KIR3DL1: variants seen among roughly 807,000 people sequenced by gnomAD.
The protein encoded by KIR3DL1 is killer cell immunoglobulin like receptor, three Ig domains and long cytoplasmic tail 1.
KIR3DL1 carries 50 observed loss-of-function variants against 40.3 expected under a neutral mutation model. That is an observed-to-expected ratio of 1.24 (90% CI 0.99 to 1.57). KIR3DL1 has a LOEUF of 1.57. KIR3DL1 is among the 40% of genes most tolerant of loss of function. The pLI is 0.00. For missense variants in KIR3DL1, 661 were observed against 559.9 expected, an observed-to-expected ratio of 1.18 and a Z score of -1.82; for synonymous variants, 257 against 207.2, an observed-to-expected ratio of 1.24 and a Z score of -2.07.
At chr19:54,824,220 G>A (rs1421620258) in intron 5 of KIR3DL1, among the ~76,000 whole-genome samples, 1 of 151,526 alleles carries the variant, frequency 6.6e-6, no homozygotes, top group African/African-American at 2.4e-5. Flanking sequence ...ATAGGTTCAG[G>A]CCTTAGACTC....
chr19:54,826,725 C>A (rs1295305376), intron 6 of KIR3DL1, among the ~76,000 whole-genome samples: 7 of 150,766 alleles, frequency 4.6e-5, no homozygotes, highest in African/African-American at 1.7e-4. Flanking sequence ...ACGGATTGAA[C>A]CCCTGAAAGA....
At chr19:54,820,008 C>G (rs746869157) in exon 4 of KIR3DL1, 2 of 1,609,674 alleles carry the variant, frequency 1.2e-6, no homozygotes, top group Non-Finnish European at 1.7e-6. Context: ...ACATCGTGGT[C>G]ACAGGTGAGA....
chr19:54,817,595 T>G (rs1304264884), intron 2 of KIR3DL1, 26 bp downstream of exon 2: 2 of 1,491,028 alleles, frequency 1.3e-6, no homozygotes, highest in African/African-American at 1.6e-5. Context: ...AACCTTAGGG[T>G]GTCATCTCCC....
In KIR3DL1 at chr19:54,817,459, G is replaced by C; in HGVS notation, c.35-75G>C. 4 of 1,237,058 alleles carry C rather than the reference G, an allele frequency of 3.2e-6. 1 individual carries two copies. Among genetic ancestry groups the C allele is most frequent in the Non-Finnish European group, 4.6e-6 (4 of 863,918 alleles). The allele number at this position is 1,237,058 out of a possible 1,614,324, so 76.6% of individuals were successfully genotyped here. A position where few individuals can be genotyped will look rare whatever the true frequency, so the allele number is the denominator to read the frequency against. On this transcript the variant is annotated intron_variant, in intron 1 of 8. Transcript: ENST00000391728. Reference sequence around the variant, plus strand: ...CCAGCAAGGGCCTGGCTGCCAAGACGCACAGCCCAGTGGGGGCAGCAGGGT... The same window carrying C: ...CCAGCAAGGGCCTGGCTGCCAAGACCCACAGCCCAGTGGGGGCAGCAGGGT...
At chr19:54,821,336 A>C (rs1469034981) in intron 4 of KIR3DL1, among the ~76,000 whole-genome samples, 1 of 151,178 alleles carries the variant, frequency 6.6e-6, no homozygotes, top group Non-Finnish European at 1.5e-5. Context: ...AGAGAATAAA[A>C]CAATCCAAAA....
At chr19:54,828,045 A>G (rs1481665754) in intron 6 of KIR3DL1, among the ~76,000 whole-genome samples, 1 of 150,642 alleles carries the variant, frequency 6.6e-6, no homozygotes, top group Non-Finnish European at 1.5e-5. Flanking sequence ...AATTCACAGG[A>G]GGACAGGTGG....
At chr19:54,819,566 C>G (rs1601327446) in intron 3 of KIR3DL1, 147 bp from the exon 4 acceptor site, 5 of 965,144 alleles carry the variant, frequency 5.2e-6, no homozygotes, top group Non-Finnish European at 7.6e-6. Flanking sequence ...GGCACCTGCA[C>G]CAGGGGATAT....
exon 9 of KIR3DL1, chr19:54,830,461 T>A: frequency 2.7e-6 from 2 of 747,908 alleles, no homozygotes; most frequent in Non-Finnish European, 4.3e-6. Flanking sequence ...AGGTCCCCAC[T>A]GCCTGCTGGA....
At chr19:54,816,899 GA>G (rs2061369384) in intron 1 of KIR3DL1, among the ~76,000 whole-genome samples, 2 of 142,354 alleles carry the variant, frequency 1.4e-5, no homozygotes, top group African/African-American at 2.7e-5. Context: ...TATGGGCCTG[GA>G]GGTGGAGTTA....
At position 54,816,468 on chromosome 19, in the gene KIR3DL1, G is replaced by A. The variant is rs781020058; in HGVS notation, c.-33G>A. 2.7e-5 allele frequency: 44 copies of A among 1,600,894 alleles called. 4 individuals carry two copies. In the African/African-American group the frequency reaches 5.7e-4, roughly 21 times the overall value. On this transcript the variant is annotated 5_prime_UTR_variant, in exon 1 of 9. Coordinates refer to ENST00000391728, the Ensembl canonical transcript of KIR3DL1. The stretch of plus-strand genomic sequence containing the variant: ...ATCCTGTGCGCTGCTGAGCTGAGCT[G>A]GGGCGCAGCCGCCTGTCTGCACCGG...
chr19:54,830,742 T>C (rs2062192208), exon 9 of KIR3DL1: 1 of 209,438 alleles, frequency 4.8e-6, no homozygotes. Context: ...GATTTCAATG[T>C]AGCTGTCTCC....
chr19:54,824,476 A>G (rs1395327427), intron 5 of KIR3DL1, among the ~76,000 whole-genome samples: 1 of 151,450 alleles, frequency 6.6e-6, no homozygotes, highest in Non-Finnish European at 1.5e-5. Context: ...CAGGAGTTCA[A>G]GACCAGGCTG....
At chr19:54,830,733 A>G in exon 9 of KIR3DL1, 1 of 209,774 alleles carries the variant, frequency 4.8e-6, no homozygotes, top group Admixed American at 5.9e-5. Flanking sequence ...ATTTTTTGTG[A>G]TTTCAATGTA....
chr19:54,820,119 T>C (rs34827252), intron 4 of KIR3DL1, 107 bp downstream of exon 4: 338,090 of 1,214,826 alleles, frequency 0.28, 52,244 homozygotes, highest in Non-Finnish European at 0.3. Flanking sequence ...GGGATTCTTA[T>C]GGAAAGAGAG....
At chr19:54,819,566 C>A in intron 3 of KIR3DL1, 147 bp from the exon 4 acceptor site, 1 of 965,140 alleles carries the variant, frequency 1.0e-6, no homozygotes, top group Non-Finnish European at 1.5e-6. Context: ...GGCACCTGCA[C>A]CAGGGGATAT....
In KIR3DL1 at chr19:54,821,785, A is replaced by C. The variant is rs1482323640; in HGVS notation, c.876A>C (p.Arg292Ser). ...CTGCCACCCACGGAGGGACCTACAG[A>C]TGCTTCGGCTCTTTCCGTCACTCTC... is the stretch of plus-strand genomic sequence containing the variant. Residue 292 changes from arginine to serine, a missense_variant, in exon 5 of 9, where the codon AGA becomes AGC. Physicochemically the swap from Arg to Ser is moderately radical, Grantham distance 110. Coordinates refer to ENST00000391728, the Ensembl canonical transcript of KIR3DL1. 9.3e-6 allele frequency: 15 copies of C among 1,607,142 alleles called. 1 individual carries two copies. The highest frequency in any genetic ancestry group is 1.3e-5 in the Non-Finnish European group (15 of 1,176,334).
rs752589966 is a variant in KIR3DL1, at chr19:54,818,362, C to A, written c.118C>A (p.Pro40Thr). ...GTCTGCCTGGCCCAGCGCTGTGGTG[C>A]CTCGAGGAGGACACGTGACTCTTCG... Residue 40 changes from proline to threonine, a missense_variant, in exon 3 of 9, where the codon CCT (proline) becomes ACT (threonine). This residue lies in a region of KIR3DL1 where 548 missense variants were observed against 413.3 expected (regional missense o/e 1.33). Coordinates refer to ENST00000391728, the Ensembl canonical transcript of KIR3DL1. 3.1e-6 allele frequency: 5 copies of A among 1,605,356 alleles called. No individual in the cohort carries two copies. In the African/African-American group the frequency reaches 4.2e-5, roughly 14 times the overall value.
chr19:54,818,436 C>T, exon 3 of KIR3DL1: 1 of 1,607,342 alleles, frequency 6.2e-7, no homozygotes, highest in South Asian at 1.1e-5. Context: ...ACAAAGAAGA[C>T]AGAATCCACA....
intron 1 of KIR3DL1, 63 bp from the exon 2 acceptor site, chr19:54,817,471 G>C (rs1412733959): frequency 1.5e-6 from 2 of 1,327,522 alleles, no homozygotes; most frequent in Non-Finnish European, 2.1e-6. Flanking sequence ...ACAGCCCAGT[G>C]GGGGCAGCAG....
Sources: gnomAD v4.1 joint callset for allele counts (sites outside exome capture counted in the v4.1 genomes callset) on GRCh38, gnomAD v4.1.1 for gene constraint, gnomAD v4.1.1 regional missense constraint, MANE v1.5 for transcripts, NCBI Gene and HGNC (gene_info 2026-07-23, HGNC 2026-07-21) for gene names.